Variants in KCNH7 observed in about 807,000 individuals in gnomAD.
KCNH7 encodes the protein voltage-gated inwardly rectifying potassium channel KCNH7.
A neutral mutation model predicts 120.8 loss-of-function variants in KCNH7; 49 were observed. That is an observed-to-expected ratio of 0.41 (90% CI 0.32 to 0.51). The LOEUF (loss-of-function observed/expected upper bound fraction) is 0.51, where lower values mean the gene tolerates loss of function less well. Ranked by LOEUF, KCNH7 falls within the 20% of genes least tolerant of loss-of-function variation. The pLI is 0.38. For synonymous variants in KCNH7, 547 were observed against 516.1 expected (o/e 1.06, Z -0.81); for missense variants, 1,097 against 1,446.6 (o/e 0.76, Z 3.92).
intron 6 of KCNH7, among the ~76,000 whole-genome samples, chr2:162,463,180 G>T (rs1689199955): frequency 6.6e-6 from 1 of 151,960 alleles, no homozygotes; most frequent in Admixed American, 6.6e-5. Context: ...TCTTTTTGGA[G>T]ATCTGACAAG....
At chr2:162,803,242 T>C (rs1403050795) in intron 2 of KCNH7, among the ~76,000 whole-genome samples, 1 of 151,806 alleles carries the variant, frequency 6.6e-6, no homozygotes, top group Non-Finnish European at 1.5e-5. Context: ...TTTAGTTCAA[T>C]TTCCATAAGT....
At chr2:162,473,223 A>C (rs1433420009) in intron 6 of KCNH7, among the ~76,000 whole-genome samples, 1 of 152,024 alleles carries the variant, frequency 6.6e-6, no homozygotes, top group Non-Finnish European at 1.5e-5. Flanking sequence ...AGTATAATTT[A>C]AAAATAAATA....
At chr2:162,400,516 C>T in intron 9 of KCNH7, 75 bp from the exon 10 acceptor site, 1 of 1,468,130 alleles carries the variant, frequency 6.8e-7, no homozygotes, top group Admixed American at 1.8e-5. Context: ...CAATTTCTTG[C>T]TCACAGAACT....
chr2:162,738,280 C>T (rs1271005587), intron 2 of KCNH7, among the ~76,000 whole-genome samples: 1 of 152,050 alleles, frequency 6.6e-6, no homozygotes, highest in Non-Finnish European at 1.5e-5. Flanking sequence ...TCCTTGCATG[C>T]AAAGACCCTA....
At chr2:162,622,308 C>A (rs772751419) in intron 2 of KCNH7, among the ~76,000 whole-genome samples, 5 of 152,100 alleles carry the variant, frequency 3.3e-5, no homozygotes, top group Non-Finnish European at 7.4e-5. Flanking sequence ...TTCGCTTTTG[C>A]GAGCAGTGAG....
intron 2 of KCNH7, among the ~76,000 whole-genome samples, chr2:162,561,061 T>A (rs1025170539): frequency 2.6e-5 from 4 of 152,168 alleles, no homozygotes; most frequent in African/African-American, 2.4e-5. Flanking sequence ...CCTTTTTTTT[T>A]TTTTACTATC....
chr2:162,747,438 T>C (rs1688353601), intron 2 of KCNH7, among the ~76,000 whole-genome samples: 1 of 152,216 alleles, frequency 6.6e-6, no homozygotes, highest in African/African-American at 2.4e-5. Context: ...ACATATTCTA[T>C]ACTTTTACTA....
At chr2:162,470,804 A>T (rs1391967061) in intron 6 of KCNH7, among the ~76,000 whole-genome samples, 2 of 152,202 alleles carry the variant, frequency 1.3e-5, no homozygotes, top group African/African-American at 4.8e-5. Flanking sequence ...GGAATAGAGG[A>T]GGGGGAAAGG....
chr2:162,569,676 A>T (rs1693393271), intron 2 of KCNH7, among the ~76,000 whole-genome samples: 2 of 151,348 alleles, frequency 1.3e-5, no homozygotes, highest in Non-Finnish European at 2.9e-5. Context: ...TAGTGCTATA[A>T]ATTTCCCTCT....
intron 2 of KCNH7, among the ~76,000 whole-genome samples, chr2:162,678,243 CTATA>C (rs530869542): frequency 4.6e-4 from 70 of 151,390 alleles, no homozygotes; most frequent in African/African-American, 1.6e-3. Context: ...GAGTAAGAAA[CTATA>C]TATGTAAATT....
At chr2:162,772,972 T>G (rs1683108827) in intron 2 of KCNH7, among the ~76,000 whole-genome samples, 1 of 152,194 alleles carries the variant, frequency 6.6e-6, no homozygotes, top group South Asian at 2.1e-4. Flanking sequence ...CCTTGAAGCT[T>G]TGCACCCATC....
intron 2 of KCNH7, among the ~76,000 whole-genome samples, chr2:162,687,229 G>C (rs796423506): frequency 1.2e-4 from 19 of 152,190 alleles, no homozygotes; most frequent in African/African-American, 4.1e-4. Context: ...TTGCCATGTA[G>C]TCATGGAGAA....
At chr2:162,706,757 G>A (rs1686717464) in intron 2 of KCNH7, among the ~76,000 whole-genome samples, 1 of 152,122 alleles carries the variant, frequency 6.6e-6, no homozygotes, top group South Asian at 2.1e-4. Flanking sequence ...GCTGCCTGTA[G>A]GAGGGAAGAG....
chr2:162,627,655 A>C (rs1282618283), intron 2 of KCNH7, among the ~76,000 whole-genome samples: 2 of 152,100 alleles, frequency 1.3e-5, no homozygotes, highest in Non-Finnish European at 2.9e-5. Flanking sequence ...AATACATTTG[A>C]CTTGGAATCA....
rs893548947 is a variant in KCNH7, at chr2:162,699,974, C to CT, written c.307+136562dup. Among the ~76,000 whole-genome samples, 10 of 151,598 alleles carry CT rather than the reference C, an allele frequency of 6.6e-5. No homozygotes were observed. The South Asian group carries it at 8.4e-4, about 13-fold the overall frequency. ...GGAAATGAAGAAAAGAGAAAAATTA[C>CT]TTTTTTTTTCATTAAAAACAGCTAC... On this transcript the variant is annotated intron_variant, in intron 2 of 15. Transcript: ENST00000332142.
chr2:162,513,484 T>G (rs1691182056), intron 4 of KCNH7, among the ~76,000 whole-genome samples: 1 of 142,350 alleles, frequency 7.0e-6, no homozygotes, highest in South Asian at 2.4e-4. Context: ...CTTCCTTCCT[T>G]CCTTCCTTCC....
Position 162,796,341 on chromosome 2 carries a change from A to C in KCNH7, c.307+40196T>G, listed in dbSNP as rs1684145284. ...TCAGGACGAAACCCAGCACAAAAAA[A>C]GACTGCAAGCCACACTGTTTACAAA... On this transcript the variant is annotated intron_variant, in intron 2 of 15. Coordinates refer to ENST00000332142, the MANE Select transcript of KCNH7 (RefSeq NM_033272.4). 2 of 152,076 alleles carry C rather than the reference A, an allele frequency of 1.3e-5. 1 individual carries two copies. Among genetic ancestry groups the C allele is most frequent in the South Asian group, 4.1e-4 (2 of 4,834 alleles). The allele number at this position is 152,076 out of a possible 1,614,324, so 9.4% of individuals were successfully genotyped here.
intron 2 of KCNH7, among the ~76,000 whole-genome samples, chr2:162,831,366 C>T (rs1211267521): frequency 1.3e-5 from 2 of 152,022 alleles, no homozygotes; most frequent in African/African-American, 4.8e-5. Flanking sequence ...TTGAATACTT[C>T]GGAAGGACAG....
intron 2 of KCNH7, among the ~76,000 whole-genome samples, chr2:162,817,859 C>T (rs1271545159): frequency 6.6e-6 from 1 of 152,014 alleles, no homozygotes; most frequent in Non-Finnish European, 1.5e-5. Flanking sequence ...AAGCCTCTTA[C>T]ATCTGTTTTT....
Sources: gnomAD v4.1 joint callset for allele counts (sites outside exome capture counted in the v4.1 genomes callset) on GRCh38, gnomAD v4.1.1 for gene constraint, MANE v1.5 for transcripts, NCBI Gene and HGNC (gene_info 2026-07-23, HGNC 2026-07-21) for gene names.